Variants in ITGA9 observed in about 807,000 individuals in gnomAD.
ITGA9 encodes integrin subunit alpha 9, also known as integrin alpha-9.
In ITGA9, 56 loss-of-function variants were observed where a neutral mutation model predicts 127.8. That is an observed-to-expected ratio of 0.44 (90% CI 0.35 to 0.55). The LOEUF is 0.55. ITGA9 is among the 20% of genes least tolerant of loss of function. The probability of loss-of-function intolerance (pLI) is 0.00; values close to 1 mark genes in which losing one functional copy is unlikely to be tolerated. For synonymous variants in ITGA9, 508 were observed against 514.5 expected (o/e 0.99, Z 0.17); for missense variants, 1,196 against 1,347.1 (o/e 0.89, Z 1.76).
chr3:37,638,246 A>G (rs1441956267), intron 16 of ITGA9, among the ~76,000 whole-genome samples: 1 of 152,144 alleles, frequency 6.6e-6, no homozygotes, highest in East Asian at 1.9e-4. Context: ...GTGGGTAATA[A>G]TGAGTAATAA....
chr3:37,693,098 C>G (rs1438360841), intron 18 of ITGA9, among the ~76,000 whole-genome samples: 2 of 152,160 alleles, frequency 1.3e-5, no homozygotes, highest in African/African-American at 2.4e-5. Flanking sequence ...TGATCATGCT[C>G]TAGCGCACAG....
intron 17 of ITGA9, among the ~76,000 whole-genome samples, chr3:37,668,556 G>A (rs938586648): frequency 1.3e-5 from 2 of 152,164 alleles, no homozygotes; most frequent in African/African-American, 4.8e-5. Context: ...GATTTTTGCA[G>A]TTTATTCTGT....
chr3:37,690,724 C>T (rs897202910), intron 18 of ITGA9, among the ~76,000 whole-genome samples: 9 of 152,110 alleles, frequency 5.9e-5, no homozygotes, highest in African/African-American at 1.7e-4. Context: ...CACCCTGGCC[C>T]GACTCTTACA....
chr3:37,708,674 C>CACACAACCAGGA (rs1575202758), intron 18 of ITGA9, among the ~76,000 whole-genome samples: 1 of 152,200 alleles, frequency 6.6e-6, no homozygotes. Flanking sequence ...GACAGCTCCC[C>CACACAACCAGGA]ATACAACAAA....
chr3:37,528,278 G>A (rs546816008), intron 13 of ITGA9, among the ~76,000 whole-genome samples: 7 of 152,290 alleles, frequency 4.6e-5, no homozygotes, highest in African/African-American at 1.7e-4. Context: ...GTAAAGCGAG[G>A]CAGTTACACA....
rs1198817031 is a variant in ITGA9 at position 37,506,043 on chromosome 3, T to G, written c.786T>G (p.Ile262Met). ...GCCACTTCTCTCACCCGTCCACCAT[T>G]GATGTGGTAGGAGGTGCCCCACAGG... ...TAGHFSHPST[I>M]DVVGGAPQDK... Residue 262 changes from isoleucine to methionine, a missense_variant, in exon 7 of 28, where the codon ATT becomes ATG. Coordinates refer to ENST00000264741, the MANE Select transcript of ITGA9 (RefSeq NM_002207.3). 2 of 1,610,496 alleles carry G rather than the reference T, an allele frequency of 1.2e-6. No homozygotes were observed. The highest frequency in any genetic ancestry group is 2.7e-5 in the African/African-American group (2 of 74,864).
chr3:37,546,968 C>T (rs927919414), intron 15 of ITGA9, among the ~76,000 whole-genome samples: 5 of 152,202 alleles, frequency 3.3e-5, no homozygotes, highest in African/African-American at 1.2e-4. Context: ...CTATGCATGA[C>T]AGGCAAATAA....
intron 17 of ITGA9, among the ~76,000 whole-genome samples, chr3:37,673,843 G>A (rs11720936): frequency 0.031 from 4,790 of 152,290 alleles, 102 homozygotes; most frequent in Non-Finnish European, 0.048. Context: ...GCAAAATGGG[G>A]AGGAGGTTGG....
chr3:37,621,947 G>A (rs1262087815), intron 15 of ITGA9, among the ~76,000 whole-genome samples: 1 of 151,990 alleles, frequency 6.6e-6, no homozygotes, highest in Non-Finnish European at 1.5e-5. Context: ...AATTCACCTG[G>A]TTTTTGGAGC....
At chr3:37,660,239 A>G (rs1000073627) in intron 17 of ITGA9, among the ~76,000 whole-genome samples, 3 of 152,230 alleles carry the variant, frequency 2.0e-5, no homozygotes, top group African/African-American at 7.2e-5. Flanking sequence ...ATTAATTTTA[A>G]TTTTAAATAG....
intron 15 of ITGA9, among the ~76,000 whole-genome samples, chr3:37,563,464 C>CGAA (rs1165781091): frequency 9.9e-4 from 151 of 152,298 alleles, no homozygotes; most frequent in African/African-American, 3.2e-3. Context: ...GGCACTCAGC[C>CGAA]CACACTTTGC....
At chr3:37,472,680 G>A (rs997293728) in intron 2 of ITGA9, among the ~76,000 whole-genome samples, 1 of 152,198 alleles carries the variant, frequency 6.6e-6, no homozygotes, top group Non-Finnish European at 1.5e-5. Context: ...ACAGGTGTGA[G>A]CCACCATGCC....
intron 1 of ITGA9, among the ~76,000 whole-genome samples, chr3:37,455,881 C>G (rs1322414919): frequency 6.6e-6 from 1 of 152,164 alleles, no homozygotes; most frequent in Non-Finnish European, 1.5e-5. Flanking sequence ...TGTTGAGGGA[C>G]CTGCGGGTGT....
intron 7 of ITGA9, among the ~76,000 whole-genome samples, chr3:37,507,827 A>G (rs1454497350): frequency 2.6e-5 from 4 of 152,060 alleles, no homozygotes; most frequent in Non-Finnish European, 5.9e-5. Flanking sequence ...TCCTTATCTC[A>G]TGGGAAGGTT....
At chr3:37,510,575 A>G (rs1054646772) in intron 8 of ITGA9, among the ~76,000 whole-genome samples, 1 of 152,124 alleles carries the variant, frequency 6.6e-6, no homozygotes, top group African/African-American at 2.4e-5. Flanking sequence ...AAGGAGGATG[A>G]GATTAACCTT....
chr3:37,748,104 C>A (rs945969709), intron 22 of ITGA9: 12 of 465,724 alleles, frequency 2.6e-5, no homozygotes, highest in Non-Finnish European at 4.7e-5. Flanking sequence ...TCCAGTAATT[C>A]GCCAAAATGT....
chr3:37,735,319 T>G (rs1422723471), intron 19 of ITGA9, among the ~76,000 whole-genome samples: 1 of 152,080 alleles, frequency 6.6e-6, no homozygotes, highest in Non-Finnish European at 1.5e-5. Context: ...CCGCCCTGTC[T>G]CCATGCCTGC....
chr3:37,593,200 C>T (rs1163382286), intron 15 of ITGA9, among the ~76,000 whole-genome samples: 1 of 152,222 alleles, frequency 6.6e-6, no homozygotes, highest in Non-Finnish European at 1.5e-5. Flanking sequence ...ATATAACCTA[C>T]ATATATCCTC....
intron 8 of ITGA9, among the ~76,000 whole-genome samples, chr3:37,512,057 T>TTCCTTCC (rs1698921852): frequency 1.4e-5 from 1 of 71,428 alleles, no homozygotes; most frequent in African/African-American, 4.6e-5. Flanking sequence ...TCTTTCTTTC[T>TTCCTTCC]TTCTTTCTTT....
Sources: gnomAD v4.1 joint callset for allele counts (sites outside exome capture counted in the v4.1 genomes callset) on GRCh38, gnomAD v4.1.1 for gene constraint, MANE v1.5 for transcripts, NCBI Gene and HGNC (gene_info 2026-07-23, HGNC 2026-07-21) for gene names.